The following SLC25A42 variants were observed in gnomAD, a reference collection of about 807,000 sequenced individuals.
SLC25A42 encodes mitochondrial coenzyme A transporter SLC25A42.
A neutral mutation model predicts 34.7 loss-of-function variants in SLC25A42; 19 were observed. The observed-to-expected ratio is 0.55, with a 90% CI of 0.38 to 0.80. The LOEUF (loss-of-function observed/expected upper bound fraction) is 0.80, where lower values mean the gene tolerates loss of function less well. Among genes scored for constraint, SLC25A42 ranks in the 30% least tolerant of loss-of-function variants. SLC25A42 has a pLI of 0.00. For synonymous variants in SLC25A42, 205 were observed against 191.2 expected, an observed-to-expected ratio of 1.07 and a Z score of -0.59; for missense variants, 364 against 441.3, an observed-to-expected ratio of 0.82 and a Z score of 1.57.
intron 1 of SLC25A42, among the ~76,000 whole-genome samples, chr19:19,072,034 A>G (rs1247647280): frequency 1.3e-5 from 2 of 152,184 alleles, no homozygotes; most frequent in Admixed American, 6.6e-5. Context: ...TGGTGAGATT[A>G]GGCAAGTGGG....
chr19:19,105,413 C>G, intron 4 of SLC25A42, 148 bp from the exon 5 acceptor site: 1 of 898,368 alleles, frequency 1.1e-6, no homozygotes, highest in Non-Finnish European at 1.7e-6. Flanking sequence ...GGGGTGGGGC[C>G]CTCACATGGG....
intron 1 of SLC25A42, among the ~76,000 whole-genome samples, chr19:19,074,227 G>T (rs1031818540): frequency 5.3e-5 from 8 of 152,216 alleles, no homozygotes; most frequent in African/African-American, 1.9e-4. Context: ...AACAAGGGTT[G>T]CCTTAACCAA....
intron 1 of SLC25A42, among the ~76,000 whole-genome samples, chr19:19,083,699 G>A (rs1175022609): frequency 6.6e-6 from 1 of 151,900 alleles, no homozygotes; most frequent in African/African-American, 2.4e-5. Context: ...CACAGGAGCA[G>A]TGAGGATGCA....
At chr19:19,067,313 G>A (rs1281871138) in intron 1 of SLC25A42, among the ~76,000 whole-genome samples, 2 of 152,202 alleles carry the variant, frequency 1.3e-5, no homozygotes, top group Non-Finnish European at 2.9e-5. Context: ...GGGGCTGGAT[G>A]CAGTGGTTCA....
At chr19:19,098,060 C>T (rs985114952) in intron 2 of SLC25A42, among the ~76,000 whole-genome samples, 1 of 152,222 alleles carries the variant, frequency 6.6e-6, no homozygotes. Flanking sequence ...GCTGCCTGGC[C>T]GACAAATCCT....
At chr19:19,069,441 G>A (rs2059618333) in intron 1 of SLC25A42, among the ~76,000 whole-genome samples, 1 of 152,196 alleles carries the variant, frequency 6.6e-6, no homozygotes, top group South Asian at 2.1e-4. Flanking sequence ...GGGGGCTTCA[G>A]ACAACAGAAA....
Position 19,106,361 on chromosome 19 carries a change from G to A in SLC25A42, c.473G>A (p.Arg158Gln). The change falls in exon 6 of 8, where the codon CGG (arginine) becomes CAG (glutamine). Residue 158 changes from arginine (R) to glutamine (Q), a missense_variant. Arg to Gln is a conservative substitution (Grantham distance 43). Transcript: ENST00000318596. ...LTYPLDLVRA[R>Q]MAVTPKEMYS... is the part of the protein sequence containing the mutation. ...TACCCCCTGGACCTGGTCAGAGCGC[G>A]GATGGCCGTAACCCCGAAGGAAATG... 2 of 1,613,178 alleles carry A rather than the reference G, an allele frequency of 1.2e-6. No individual in the cohort carries two copies. Among genetic ancestry groups the A allele is most frequent in the Non-Finnish European group, 1.7e-6 (2 of 1,179,566 alleles).
chr19:19,067,417 AT>A (rs1367267105), intron 1 of SLC25A42, among the ~76,000 whole-genome samples: 4 of 152,110 alleles, frequency 2.6e-5, no homozygotes, highest in Non-Finnish European at 4.4e-5. Flanking sequence ...CCCTATCTCT[AT>A]AAAAAAAATT....
At position 19,111,086 on chromosome 19, in the gene SLC25A42, T is replaced by TG. The variant is rs1378011186; in HGVS notation, c.*216dup. The TG allele has an allele frequency of 5.0e-6, 3 of 596,918 alleles. No homozygotes were observed. Among genetic ancestry groups the TG allele is most frequent in the African/African-American group, 1.9e-5 (1 of 52,532 alleles). The allele number at this position is 596,918 out of a possible 1,614,324, so 37.0% of individuals were successfully genotyped here. ...GAAGTGCAGTGTTGGGGCGATGGTGTGGGGGGTCCCGCAGCTCCCCTCTTC... is the reference window on the plus strand; with the variant it reads ...GAAGTGCAGTGTTGGGGCGATGGTGTGGGGGGGTCCCGCAGCTCCCCTCTTC... On this transcript the variant is annotated 3_prime_UTR_variant, in exon 8 of 8. Transcript: ENST00000318596.
intron 2 of SLC25A42, among the ~76,000 whole-genome samples, chr19:19,098,881 G>A (rs1483827435): frequency 5.9e-5 from 9 of 152,116 alleles, no homozygotes; most frequent in South Asian, 4.1e-4. Context: ...CCAAAATTGC[G>A]CCACCGCACT....
intron 1 of SLC25A42, among the ~76,000 whole-genome samples, chr19:19,086,582 A>T (rs552421340): frequency 1.3e-5 from 2 of 152,248 alleles, no homozygotes; most frequent in South Asian, 4.1e-4. Flanking sequence ...ATAACATTTT[A>T]AAATTGTTTA....
chr19:19,071,502 AT>A (rs1342390171), intron 1 of SLC25A42, among the ~76,000 whole-genome samples: 1 of 152,054 alleles, frequency 6.6e-6, no homozygotes, highest in Non-Finnish European at 1.5e-5. Context: ...GGCCAGGGAG[AT>A]TTTCAGGAAA....
At chr19:19,072,667 G>C (rs2059637111) in intron 1 of SLC25A42, among the ~76,000 whole-genome samples, 2 of 148,994 alleles carry the variant, frequency 1.3e-5, no homozygotes, top group Admixed American at 1.3e-4. Flanking sequence ...ACAGGCATGA[G>C]CCACCTCACT....
intron 1 of SLC25A42, among the ~76,000 whole-genome samples, chr19:19,088,878 G>A (rs1360047950): frequency 6.6e-6 from 1 of 151,178 alleles, no homozygotes; most frequent in Non-Finnish European, 1.5e-5. Context: ...CACGATCTTG[G>A]CTCACTGTAA....
intron 1 of SLC25A42, among the ~76,000 whole-genome samples, chr19:19,075,901 G>A (rs2059653557): frequency 2.0e-5 from 3 of 152,138 alleles, no homozygotes; most frequent in South Asian, 2.1e-4. Flanking sequence ...TCTCCGGCCC[G>A]ATGGTTCCCT....
chr19:19,084,548 G>A (rs890740869), intron 1 of SLC25A42, among the ~76,000 whole-genome samples: 13 of 152,300 alleles, frequency 8.5e-5, no homozygotes, highest in Middle Eastern at 3.4e-3. Context: ...AGAGACAGCC[G>A]TCCCTGTGGA....
chr19:19,073,792 T>G (rs1310780791), intron 1 of SLC25A42, among the ~76,000 whole-genome samples: 1 of 152,194 alleles, frequency 6.6e-6, no homozygotes, highest in Non-Finnish European at 1.5e-5. Context: ...CAGGATAGTC[T>G]TGAACTCCCG....
chr19:19,078,158 G>A (rs532036276), intron 1 of SLC25A42, among the ~76,000 whole-genome samples: 1 of 152,184 alleles, frequency 6.6e-6, no homozygotes, highest in African/African-American at 2.4e-5. Flanking sequence ...AGGCTGGAGG[G>A]AGAGGCCTCT....
In SLC25A42 at chr19:19,106,497, CG is replaced by C. The variant is rs2059829285; in HGVS notation, c.497+113del. 3.8e-6 allele frequency: 3 copies of C among 788,280 alleles called. No individual in the cohort carries two copies. In the East Asian group the frequency reaches 8.1e-5, roughly 21 times the overall value. The allele number at this position is 788,280 out of a possible 1,614,324, so 48.8% of individuals were successfully genotyped here. On this transcript the variant is annotated intron_variant, in intron 6 of 7. Coordinates refer to ENST00000318596, the MANE Select transcript of SLC25A42 (RefSeq NM_178526.5). ...CCCCAGGGGTTTGCATCTGGGCCTC[CG>C]TGTCCACAGGGCAGGCCTGATGTGT...
Sources: allele counts gnomAD v4.1 joint callset (sites outside exome capture counted in the v4.1 genomes callset), GRCh38; gene constraint gnomAD v4.1.1; transcripts MANE v1.5; gene names NCBI Gene and HGNC (gene_info 2026-07-23, HGNC 2026-07-21).